The following ADCY2 variants were observed in gnomAD, a reference collection of about 807,000 sequenced individuals.
ADCY2 encodes adenylate cyclase 2.
Under a neutral mutation model 125.2 loss-of-function variants are expected in ADCY2, and 31 were observed. The ratio of observed to expected loss-of-function variants is 0.25; its 90% CI spans 0.19 to 0.33. The LOEUF is 0.33. Among genes scored for constraint, ADCY2 ranks in the 10% least tolerant of loss-of-function variants. ADCY2 has a pLI of 1.00. For synonymous variants in ADCY2, 512 were observed against 548.4 expected (o/e 0.93, Z 0.93); for missense variants, 904 against 1,418.2 (o/e 0.64, Z 5.82).
intron 2 of ADCY2, among the ~76,000 whole-genome samples, chr5:7,437,242 C>T (rs761262197): frequency 2.7e-4 from 41 of 152,202 alleles, no homozygotes; most frequent in Admixed American, 6.5e-5. Flanking sequence ...TTTTCAGCCC[C>T]CTCAAGCTAC....
In ADCY2 at chr5:7,829,365, T is replaced by C. The variant is rs1453683433; in HGVS notation, c.*2494T>C. On this transcript the variant is annotated 3_prime_UTR_variant, in exon 25 of 25. Coordinates refer to ENST00000338316, the MANE Select transcript of ADCY2 (RefSeq NM_020546.3). ...GGCACATGTGTTCAGAGTTCCACAG[T>C]TGATTAGCAGTTGAGGCCAGGCTAG... 6.6e-6 allele frequency: 1 copy of C among 152,596 alleles called. No homozygotes were observed. The highest frequency in any genetic ancestry group is 2.4e-5 in the African/African-American group (1 of 41,438). 9.5% of individuals were successfully genotyped at this position (152,596 alleles called of 1,614,324 possible).
intron 23 of ADCY2, among the ~76,000 whole-genome samples, chr5:7,818,047 C>T (rs1387554394): frequency 6.6e-6 from 1 of 152,082 alleles, no homozygotes; most frequent in African/African-American, 2.4e-5. Flanking sequence ...ATTCAGAGTT[C>T]TAAGAGCTTC....
intron 1 of ADCY2, among the ~76,000 whole-genome samples, chr5:7,398,068 A>G (rs927047846): frequency 5.3e-5 from 8 of 152,350 alleles, no homozygotes; most frequent in African/African-American, 1.9e-4. Flanking sequence ...GAAAAGAAAC[A>G]TCAGAGTTTT....
chr5:7,539,561 T>C (rs1734929475), intron 3 of ADCY2, among the ~76,000 whole-genome samples: 1 of 152,218 alleles, frequency 6.6e-6, no homozygotes, highest in Non-Finnish European at 1.5e-5. Context: ...CTTAAAGTAA[T>C]ATTGGGTCTT....
At chr5:7,719,601 G>A (rs770072159) in intron 12 of ADCY2, among the ~76,000 whole-genome samples, 32 of 152,120 alleles carry the variant, frequency 2.1e-4, no homozygotes, top group Non-Finnish European at 1.6e-4. Context: ...TGTTGAACAC[G>A]CATTTGTTAA....
At chr5:7,560,607 C>G in intron 3 of ADCY2, among the ~76,000 whole-genome samples, 1 of 151,930 alleles carries the variant, frequency 6.6e-6, no homozygotes, top group East Asian at 1.9e-4. Context: ...GGTCTTGAGA[C>G]TTCTGCACCA....
intron 20 of ADCY2, chr5:7,796,915 G>A (rs1744438800): frequency 6.6e-6 from 1 of 152,242 alleles, no homozygotes; most frequent in Admixed American, 6.5e-5. Context: ...TCCCCGGGTG[G>A]TAGAGGATTG....
chr5:7,765,209 G>A (rs983586315), intron 16 of ADCY2, among the ~76,000 whole-genome samples: 4 of 152,088 alleles, frequency 2.6e-5, no homozygotes, highest in African/African-American at 9.7e-5. Context: ...ATTATTTTAA[G>A]ATCCTTGGCA....
At chr5:7,543,806 G>A (rs1393555701) in intron 3 of ADCY2, among the ~76,000 whole-genome samples, 1 of 151,946 alleles carries the variant, frequency 6.6e-6, no homozygotes, top group Non-Finnish European at 1.5e-5. Flanking sequence ...AAGGTCAGGA[G>A]ATTGAGACCA....
intron 3 of ADCY2, among the ~76,000 whole-genome samples, chr5:7,563,272 C>G (rs148203528): frequency 6.6e-6 from 1 of 152,178 alleles, no homozygotes; most frequent in Non-Finnish European, 1.5e-5. Context: ...CCACAGTCCT[C>G]TAGGGTGCAG....
In ADCY2 at chr5:7,396,423, C is replaced by G. The variant is rs748052527; in HGVS notation, c.127C>G (p.Gln43Glu). 19 of 1,580,770 alleles carry G rather than the reference C, an allele frequency of 1.2e-5. No homozygotes were observed. The highest frequency in any genetic ancestry group is 1.6e-5 in the Non-Finnish European group (19 of 1,164,008). The change falls in exon 1 of 25, where the codon CAG becomes GAG. Residue 43 changes from glutamine (Q) to glutamate (E), a missense_variant. Physicochemically the swap from Gln to Glu is conservative, Grantham distance 29. This residue lies in a region of ADCY2 where 113 missense variants were observed against 108.0 expected (regional missense o/e 1.05). Coordinates refer to ENST00000338316, the MANE Select transcript of ADCY2 (RefSeq NM_020546.3). The surrounding 1 kb of genome is among the most constrained non-coding windows in gnomAD (Gnocchi z 5.7). ...LYESYYCMSQ[Q>E]HPLIVFLLLI... ...CGAGTCCTACTACTGCATGAGCCAG[C>G]AGCACCCGCTCATCGTCTTCCTGCT...
At chr5:7,697,355 A>T (rs111782590) in intron 6 of ADCY2, among the ~76,000 whole-genome samples, 76 of 152,310 alleles carry the variant, frequency 5.0e-4, no homozygotes, top group African/African-American at 1.3e-3. Flanking sequence ...CATTGGTCAG[A>T]GGGGCAGTGT....
chr5:7,484,821 A>G (rs1373578825), intron 2 of ADCY2, among the ~76,000 whole-genome samples: 1 of 152,108 alleles, frequency 6.6e-6, no homozygotes, highest in Non-Finnish European at 1.5e-5. Context: ...TTCCTTCAGT[A>G]CACTTACATT....
chr5:7,563,239 A>G (rs4521443), intron 3 of ADCY2, among the ~76,000 whole-genome samples: 56,711 of 152,092 alleles, frequency 0.37, 11,313 homozygotes, highest in African/African-American at 0.42. Flanking sequence ...CTGTCTTTGT[A>G]ACTGAGGGAA....
intron 4 of ADCY2, among the ~76,000 whole-genome samples, chr5:7,657,270 C>G (rs1244211035): frequency 6.6e-6 from 1 of 152,202 alleles, no homozygotes; most frequent in Non-Finnish European, 1.5e-5. Flanking sequence ...CACTGGAGGG[C>G]TGAGGAGGCA....
chr5:7,636,378 G>A (rs561170494), intron 4 of ADCY2, among the ~76,000 whole-genome samples: 2 of 152,230 alleles, frequency 1.3e-5, no homozygotes, highest in African/African-American at 2.4e-5. Flanking sequence ...GAACAAGCAG[G>A]CACATGCCCT....
At chr5:7,813,728 A>T (rs889948166) in intron 22 of ADCY2, among the ~76,000 whole-genome samples, 3 of 152,196 alleles carry the variant, frequency 2.0e-5, no homozygotes, top group African/African-American at 7.2e-5. Context: ...CCAGAACTCA[A>T]TCTCTTCTTT....
intron 6 of ADCY2, among the ~76,000 whole-genome samples, chr5:7,696,153 T>G (rs913281239): frequency 1.3e-5 from 2 of 152,216 alleles, no homozygotes; most frequent in South Asian, 4.1e-4. Flanking sequence ...GAGATTCCAT[T>G]TGCAAATCTC....
intron 2 of ADCY2, among the ~76,000 whole-genome samples, chr5:7,460,745 G>T (rs542641108): frequency 1.6e-4 from 24 of 152,206 alleles, no homozygotes; most frequent in African/African-American, 5.1e-4. Context: ...TTTCTTATGG[G>T]ATTATGTAGA....
Sources: gnomAD v4.1 joint callset for allele counts (sites outside exome capture counted in the v4.1 genomes callset) on GRCh38, gnomAD v4.1.1 for gene constraint, gnomAD v4.1.1 regional missense constraint, Gnocchi (gnomAD v3.1) non-coding constraint, MANE v1.5 for transcripts, NCBI Gene and HGNC (gene_info 2026-07-23, HGNC 2026-07-21) for gene names.